Variants in IL17RD observed in about 807,000 individuals in gnomAD.
IL17RD encodes interleukin 17 receptor D.
IL17RD carries 52 observed loss-of-function variants against 80.5 expected under a neutral mutation model. That is an observed-to-expected ratio of 0.65 (90% CI 0.52 to 0.81). The LOEUF (loss-of-function observed/expected upper bound fraction) is 0.81. IL17RD is among the 40% of genes least tolerant of loss of function. IL17RD has a pLI of 0.00. For synonymous variants in IL17RD, 416 were observed against 391.8 expected, an observed-to-expected ratio of 1.06 and a Z score of -0.73; for missense variants, 1,024 against 955.1, an observed-to-expected ratio of 1.07 and a Z score of -0.95.
Position 57,097,931 on chromosome 3 carries a change from A to G in IL17RD, c.1772T>C (p.Val591Ala). ...ACTCTCAGGCCCTGGTTTGCACATG[A>G]CATCATTTAAAACCAAGCCCGAATC... ...KFDSGLVLND[V>A]MCKPGPESDF... Residue 591 changes from valine (V) to alanine (A), a missense_variant, in exon 12 of 13, where the codon GTC (valine) becomes GCC (alanine). Physicochemically the swap from Val to Ala is moderately conservative, Grantham distance 64. Transcript: ENST00000296318. The G allele has an allele frequency of 6.2e-7, 1 of 1,614,008 alleles. No homozygotes were observed. Among genetic ancestry groups the G allele is most frequent in the South Asian group, 1.1e-5 (1 of 91,084 alleles).
At chr3:57,118,732 C>T (rs1272806554) in intron 2 of IL17RD, among the ~76,000 whole-genome samples, 2 of 152,156 alleles carry the variant, frequency 1.3e-5, no homozygotes, top group Non-Finnish European at 2.9e-5. Context: ...GTTGGACTGG[C>T]TTCTATATTA....
chr3:57,107,385 A>AG (rs35728977), intron 5 of IL17RD, among the ~76,000 whole-genome samples: 102,304 of 151,024 alleles, frequency 0.68, 35,790 homozygotes, highest in Non-Finnish European at 0.74. Context: ...TCTCGAAAAA[A>AG]AAAAAAAAAA....
rs985362780 is a variant in IL17RD at position 57,108,021 on chromosome 3, C to T, written c.550+1516G>A. ...TAAAAGATGGAATCATTTCATGCTC[C>T]TACCTTTACCACAAAATCAACTTAC... On this transcript the variant is annotated intron_variant, in intron 5 of 12. Coordinates refer to ENST00000296318, the MANE Select transcript of IL17RD (RefSeq NM_017563.5). 9.2e-5 allele frequency among the ~76,000 whole-genome samples: 14 copies of T among 152,024 alleles called. 1 individual carries two copies. The East Asian group carries it at 2.7e-3, about 29-fold the overall frequency.
At chr3:57,132,850 C>T (rs1707641663) in intron 1 of IL17RD, among the ~76,000 whole-genome samples, 1 of 151,970 alleles carries the variant, frequency 6.6e-6, no homozygotes, top group Admixed American at 6.6e-5. Flanking sequence ...GAGGAAAATA[C>T]TCATAGTGTC....
chr3:57,131,802 C>A (rs893762078), intron 1 of IL17RD, among the ~76,000 whole-genome samples: 1 of 152,218 alleles, frequency 6.6e-6, no homozygotes, highest in South Asian at 2.1e-4. Context: ...AGACCTCTCA[C>A]CTGCCTTATA....
rs777147749 is a variant in IL17RD, at chr3:57,097,819, G to A, written c.1884C>T (p.Asp628=). 12 of 1,610,092 alleles carry A rather than the reference G, an allele frequency of 7.5e-6. No homozygotes were observed. Among genetic ancestry groups the A allele is most frequent in the Non-Finnish European group, 9.3e-6 (11 of 1,178,228 alleles). ...GGGCAGGCCGGGCCTCCCCGTCTTG[G>A]TCCAGGCCCCCATGCTGACTCTCGT... The part of the protein sequence containing the change: ...SQHESQHGGL[D]QDGEARPALD... Residue 628 remains aspartate (D), a synonymous_variant, in exon 12 of 13, where the codon GAC becomes GAT. Transcript: ENST00000296318.
At chr3:57,157,754 A>G (rs1304935593) in intron 1 of IL17RD, among the ~76,000 whole-genome samples, 1 of 152,236 alleles carries the variant, frequency 6.6e-6, no homozygotes, top group South Asian at 2.1e-4. Context: ...ATAAAATCAC[A>G]GGGAAAGGGT....
chr3:57,107,100 C>T (rs557056999), intron 5 of IL17RD, among the ~76,000 whole-genome samples: 126 of 152,166 alleles, frequency 8.3e-4, no homozygotes, highest in Admixed American at 1.0e-3. Context: ...TTATGAGGGC[C>T]GGGCGCGGTG....
intron 1 of IL17RD, among the ~76,000 whole-genome samples, chr3:57,162,102 G>A (rs547313407): frequency 1.1e-4 from 17 of 152,352 alleles, no homozygotes; most frequent in South Asian, 4.1e-4. Flanking sequence ...GAGCAGCCCC[G>A]AAGGGTCTGT....
At chr3:57,129,683 T>C (rs969927040) in intron 1 of IL17RD, among the ~76,000 whole-genome samples, 23 of 152,164 alleles carry the variant, frequency 1.5e-4, no homozygotes, top group African/African-American at 5.6e-4. Context: ...ATTTGGAAAT[T>C]ATGGAAGGCC....
At chr3:57,163,803 A>AGGGGGGGGGGGGGGG (rs1401715931) in intron 1 of IL17RD, among the ~76,000 whole-genome samples, 7 of 5,552 alleles carry the variant, frequency 1.3e-3, no homozygotes, top group South Asian at 5.7e-3. Flanking sequence ...CGGGGGGGGA[A>AGGGGGGGGGGGGGGG]GGGGGTGGCG....
intron 1 of IL17RD, among the ~76,000 whole-genome samples, chr3:57,161,380 C>G (rs549600962): frequency 6.6e-6 from 1 of 152,214 alleles, no homozygotes; most frequent in Non-Finnish European, 1.5e-5. Context: ...TTATCAGGAA[C>G]CTAAATTTTA....
At chr3:57,102,913 G>A (rs1203262009) in intron 9 of IL17RD, among the ~76,000 whole-genome samples, 178 bp downstream of exon 9, 2 of 152,130 alleles carry the variant, frequency 1.3e-5, no homozygotes, top group Non-Finnish European at 2.9e-5. Context: ...CACCAAACTG[G>A]CTTTAATCTT....
At chr3:57,165,956 T>C (rs2060346470), upstream of IL17RD, among the ~76,000 whole-genome samples, 1 of 152,134 alleles carries the variant, frequency 6.6e-6, no homozygotes. Context: ...AAGTGCTCCA[T>C]AAAGGCTACA....
chr3:57,103,159 G>T lies in IL17RD; in HGVS notation c.814-14C>A. 4.4e-6 allele frequency: 7 copies of T among 1,594,228 alleles called. No individual in the cohort carries two copies. Among genetic ancestry groups the T allele is most frequent in the Non-Finnish European group, 6.0e-6 (7 of 1,169,160 alleles). The stretch of plus-strand genomic sequence containing the variant: ...GTCATCCACCAGCTGCAAAACAGAG[G>T]ATGCTGCATTATTTTTTTTTAAAGT... On this transcript the variant is annotated splice_polypyrimidine_tract_variant and intron_variant, in intron 8 of 12. Transcript: ENST00000296318.
chr3:57,129,473 G>C (rs1707561742), intron 1 of IL17RD, among the ~76,000 whole-genome samples: 1 of 152,194 alleles, frequency 6.6e-6, no homozygotes, highest in Non-Finnish European at 1.5e-5. Context: ...GCACCGAATT[G>C]TGCTGACTTC....
At chr3:57,125,070 C>A (rs1265151289) in intron 1 of IL17RD, among the ~76,000 whole-genome samples, 3 of 152,224 alleles carry the variant, frequency 2.0e-5, no homozygotes, top group Non-Finnish European at 4.4e-5. Flanking sequence ...AGCTTTCCAG[C>A]TGTGTGACTC....
At chr3:57,120,594 A>G (rs922962993) in intron 1 of IL17RD, among the ~76,000 whole-genome samples, 1 of 152,206 alleles carries the variant, frequency 6.6e-6, no homozygotes, top group Non-Finnish European at 1.5e-5. Context: ...TTAAATAATA[A>G]TTCATTAACA....
At chr3:57,169,936 C>G (rs2060362362), upstream of IL17RD, among the ~76,000 whole-genome samples, 1 of 152,268 alleles carries the variant, frequency 6.6e-6, no homozygotes, top group Non-Finnish European at 1.5e-5. Flanking sequence ...GATGGGGAAG[C>G]TGATGCTCAG....
Sources: allele counts gnomAD v4.1 joint callset (sites outside exome capture counted in the v4.1 genomes callset), GRCh38; gene constraint gnomAD v4.1.1; transcripts MANE v1.5; gene names NCBI Gene and HGNC (gene_info 2026-07-23, HGNC 2026-07-21).